AXIN2: variants seen among roughly 807,000 people sequenced by gnomAD.
The protein encoded by AXIN2 is axin-2.
In AXIN2, 21 loss-of-function variants were observed where a neutral mutation model predicts 74.7. The ratio of observed to expected loss-of-function variants is 0.28; its 90% CI spans 0.20 to 0.40. The LOEUF (loss-of-function observed/expected upper bound fraction) is 0.40. AXIN2 is among the 10% of genes least tolerant of loss of function. The pLI is 1.00. For synonymous variants in AXIN2, 532 were observed against 454.9 expected (o/e 1.17, Z -2.16); for missense variants, 1,144 against 1,111.1 (o/e 1.03, Z -0.42).
rs530465133 is a variant in AXIN2, at chr17:65,537,588, G to T, written c.1448C>A (p.Pro483His). The change falls in exon 6 of 11, where the codon CCC becomes CAC. Residue 483 changes from proline (P) to histidine (H), a missense_variant. Transcript: ENST00000307078. Reference protein sequence around the residue: ...HHSQYHSLLPPGGKLPPAAAS... With the variant: ...HHSQYHSLLPHGGKLPPAAAS... Reference sequence around the variant, plus strand: ...GGCCGCGGGAGGCAGCTTGCCACCGGGCGGGAGCAGGGAGTGGTACTGCGA... The same window carrying T: ...GGCCGCGGGAGGCAGCTTGCCACCGTGCGGGAGCAGGGAGTGGTACTGCGA... 1 of 1,606,490 alleles carries T rather than the reference G, an allele frequency of 6.2e-7. No individual in the cohort carries two copies. The highest frequency in any genetic ancestry group is 1.7e-5 in the Admixed American group (1 of 58,944).
At chr17:65,558,802 T>C (rs1247093673) in intron 1 of AXIN2, 66 bp from the exon 2 acceptor site, 5 of 650,982 alleles carry the variant, frequency 7.7e-6, no homozygotes, top group Non-Finnish European at 1.3e-5. Flanking sequence ...CAAAACCAGA[T>C]CTACCCAACA....
rs1487852639 is a variant in AXIN2 at position 65,529,379 on chromosome 17, T to G, written c.*597A>C. 4.2e-6 allele frequency: 1 copy of G among 239,352 alleles called. No individual in the cohort carries two copies. The highest frequency in any genetic ancestry group is 8.2e-6 in the Non-Finnish European group (1 of 121,964). The allele number at this position is 239,352 out of a possible 1,614,324, so 14.8% of individuals were successfully genotyped here. On this transcript the variant is annotated 3_prime_UTR_variant, in exon 11 of 11. Coordinates refer to ENST00000307078, the MANE Select transcript of AXIN2 (RefSeq NM_004655.4). ...AACAAAACGCACCAATTTCTGCATG[T>G]GTCAATGGTAGGGCACCATTTTAAA...
intron 1 of AXIN2, chr17:65,559,399 C>G (rs1006094211): frequency 6.6e-6 from 1 of 151,886 alleles, no homozygotes; most frequent in Non-Finnish European, 1.5e-5. Context: ...CACGCAAACA[C>G]CCCCTCCCCA....
At chr17:65,540,377 A>G (rs1053071226) in intron 4 of AXIN2, among the ~76,000 whole-genome samples, 14 of 152,196 alleles carry the variant, frequency 9.2e-5, no homozygotes, top group African/African-American at 3.1e-4. Flanking sequence ...CCCTCCCATC[A>G]GAGGGCTTCC....
At chr17:65,551,194 G>T (rs953795252) in intron 2 of AXIN2, among the ~76,000 whole-genome samples, 4 of 152,178 alleles carry the variant, frequency 2.6e-5, no homozygotes, top group Admixed American at 6.5e-5. Context: ...CCCTGGGACA[G>T]ATGGGACTGA....
chr17:65,537,431 G>C lies in AXIN2; in HGVS notation c.1605C>G (p.Ala535=), dbSNP rs888040292. Residue 535 remains alanine, a synonymous_variant, in exon 6 of 11, where the codon GCC becomes GCG. Coordinates refer to ENST00000307078, the MANE Select transcript of AXIN2 (RefSeq NM_004655.4). The part of the protein sequence containing the change: ...PKTKEEIEAE[A]TQRVHCFCPG... ...GGCAGAAGCAGTGCACCCGCTGCGT[G>C]GCCTCCGCCTCGATCTCCTCCTTGG... 6.2e-7 allele frequency: 1 copy of C among 1,614,066 alleles called. No individual in the cohort carries two copies. The highest frequency in any genetic ancestry group is 8.5e-7 in the Non-Finnish European group (1 of 1,180,026).
At position 65,552,587 on chromosome 17, in the gene AXIN2, T is replaced by TC. The variant is rs1384454407; in HGVS notation, c.816-2928dup. On this transcript the variant is annotated intron_variant, in intron 2 of 10. Transcript: ENST00000307078. ...CACTGCTGGGCTGAGTCACAACCCC[T>TC]CCAGAGGTGGGCACCCACCTGAAGA... 2.0e-5 allele frequency among the ~76,000 whole-genome samples: 3 copies of TC among 152,056 alleles called. No homozygotes were observed. The South Asian group carries it at 6.2e-4, about 32-fold the overall frequency.
At chr17:65,541,638 C>G (rs2044045376) in intron 3 of AXIN2, 81 bp from the exon 4 acceptor site, 2 of 1,171,516 alleles carry the variant, frequency 1.7e-6, no homozygotes, top group South Asian at 2.4e-5. Flanking sequence ...CATATGCCAT[C>G]TTGAGATCCC....
Position 65,558,466 on chromosome 17 carries a change from G to A in AXIN2, c.155C>T (p.Ser52Phe), listed in dbSNP as rs2044308792. 6.2e-7 allele frequency: 1 copy of A among 1,604,376 alleles called. No individual in the cohort carries two copies. The highest frequency in any genetic ancestry group is 8.5e-7 in the Non-Finnish European group (1 of 1,173,644). Residue 52 changes from serine to phenylalanine, a missense_variant, in exon 2 of 11, where the codon TCT becomes TTT. Transcript: ENST00000307078. ...KGQVTKPMPV[S>F]SNTRRNEDGL... ...ATCTTCGTTCCGCCTGGTGTTGGAA[G>A]AGACAGGCATGGGTTTGGTGACCTG...
intron 2 of AXIN2, among the ~76,000 whole-genome samples, chr17:65,550,378 C>A (rs1432822112): frequency 6.6e-6 from 1 of 152,176 alleles, no homozygotes; most frequent in African/African-American, 2.4e-5. Context: ...CAAAGGAAGG[C>A]CCAGGCCCCT....
At chr17:65,554,246 TTCCTCTTCCTCC>T in intron 2 of AXIN2, among the ~76,000 whole-genome samples, 1 of 150,864 alleles carries the variant, frequency 6.6e-6, no homozygotes, top group South Asian at 2.1e-4. Context: ...TCTCCTCCTC[TTCCTCTTCCTCC>T]TCCTCCTCCT....
Position 65,529,575 on chromosome 17 carries a change from T to C in AXIN2, c.*401A>G. 2.8e-6 allele frequency: 1 copy of C among 351,750 alleles called. No homozygotes were observed. The highest frequency in any genetic ancestry group is 5.3e-6 in the Non-Finnish European group (1 of 189,096). 21.8% of individuals were successfully genotyped at this position (351,750 alleles called of 1,614,324 possible). ...AGTTTAAAGCAGCATATCCATAAAC[T>C]GGGGATGGGGGAAATCAACTGTTCT... On this transcript the variant is annotated 3_prime_UTR_variant, in exon 11 of 11. Transcript: ENST00000307078.
intron 2 of AXIN2, among the ~76,000 whole-genome samples, chr17:65,551,587 C>T (rs928539043): frequency 3.3e-5 from 5 of 152,072 alleles, no homozygotes; most frequent in Non-Finnish European, 7.4e-5. Context: ...GGGAAGCCAC[C>T]GCCACAATTT....
chr17:65,537,931 C>A, intron 5 of AXIN2, 96 bp from the exon 6 acceptor site: 1 of 1,459,688 alleles, frequency 6.9e-7, no homozygotes, highest in Non-Finnish European at 9.2e-7. Flanking sequence ...CAGGAGCACG[C>A]ACACCCGTGT....
At chr17:65,533,764 A>T (rs2043861372) in intron 10 of AXIN2, 148 bp downstream of exon 10, 8 of 922,558 alleles carry the variant, frequency 8.7e-6, no homozygotes, top group Non-Finnish European at 1.4e-5. Context: ...GGAGAGAAGA[A>T]ATGAGAAGGG....
chr17:65,546,921 A>T (rs1035769959), intron 3 of AXIN2, among the ~76,000 whole-genome samples: 4 of 152,164 alleles, frequency 2.6e-5, no homozygotes, highest in Non-Finnish European at 4.4e-5. Flanking sequence ...CCAAAGAGAA[A>T]GCCGCTACAT....
At chr17:65,544,446 G>C (rs1281642472) in intron 3 of AXIN2, among the ~76,000 whole-genome samples, 1 of 142,078 alleles carries the variant, frequency 7.0e-6, no homozygotes, top group East Asian at 2.2e-4. Context: ...TGCTGGAAAG[G>C]CAACTTGTAA....
chr17:65,546,712 T>C (rs1488400282), intron 3 of AXIN2, among the ~76,000 whole-genome samples: 2 of 152,136 alleles, frequency 1.3e-5, no homozygotes, highest in East Asian at 3.9e-4. Context: ...CGCACTTGAT[T>C]GGGAGAGGGC....
At chr17:65,534,655 G>A (rs1265606338) in intron 9 of AXIN2, among the ~76,000 whole-genome samples, 2 of 152,300 alleles carry the variant, frequency 1.3e-5, no homozygotes, top group East Asian at 1.9e-4. Context: ...TAGGCCGGGC[G>A]TGGTGGCTCA....
Sources: gnomAD v4.1 joint callset for allele counts (sites outside exome capture counted in the v4.1 genomes callset) on GRCh38, gnomAD v4.1.1 for gene constraint, MANE v1.5 for transcripts, NCBI Gene and HGNC (gene_info 2026-07-23, HGNC 2026-07-21) for gene names.